XNDC1N: variants seen among roughly 807,000 people sequenced by gnomAD.
XNDC1N encodes the protein protein XNDC1N.
chr11:71,878,457 G>A, the XNDC1N span: 76 of 1,611,702 alleles, frequency 4.7e-5, no homozygotes, highest in African/African-American at 3.1e-4. Context: ...TCAACCATGA[G>A]GGTCTTGTTT....
chr11:71,887,811 C>G, the XNDC1N span, among the ~76,000 whole-genome samples: 1 of 152,194 alleles, frequency 6.6e-6, no homozygotes, highest in African/African-American at 2.4e-5. Context: ...GTACCTAACC[C>G]GTCCACATTG....
the XNDC1N span, among the ~76,000 whole-genome samples, chr11:71,918,703 T>A: frequency 6.6e-6 from 1 of 152,166 alleles, no homozygotes; most frequent in Non-Finnish European, 1.5e-5. Flanking sequence ...AATAGAGCCC[T>A]TGGAGTTCTC....
At chr11:71,900,177 G>C in the XNDC1N span, among the ~76,000 whole-genome samples, 1 of 152,176 alleles carries the variant, frequency 6.6e-6, no homozygotes, top group African/African-American at 2.4e-5. Context: ...ATTCGTTTTT[G>C]CTAAAATAAT....
the XNDC1N span, among the ~76,000 whole-genome samples, chr11:71,908,132 C>A: frequency 6.6e-6 from 1 of 151,922 alleles, no homozygotes; most frequent in East Asian, 1.9e-4. Context: ...GGTATTAGGG[C>A]GTAATATTAG....
the XNDC1N span, among the ~76,000 whole-genome samples, chr11:71,902,764 A>G: frequency 2.6e-5 from 4 of 152,250 alleles, no homozygotes; most frequent in South Asian, 2.1e-4. Flanking sequence ...ATTTGTATCA[A>G]TCTCGTAGAA....
chr11:71,901,660 C>A, the XNDC1N span, among the ~76,000 whole-genome samples: 10 of 151,948 alleles, frequency 6.6e-5, 1 homozygote, highest in African/African-American at 2.4e-4. Flanking sequence ...GTTGGAAGAC[C>A]AGGAAGTATA....
chr11:71,908,614 C>T, the XNDC1N span, among the ~76,000 whole-genome samples: 3 of 152,052 alleles, frequency 2.0e-5, no homozygotes, highest in Admixed American at 6.6e-5. Flanking sequence ...TGGGTACCAG[C>T]CCTTCACCTG....
chr11:71,918,833 G>A, the XNDC1N span: 1 of 697,622 alleles, frequency 1.4e-6, no homozygotes, highest in Admixed American at 2.0e-5. Flanking sequence ...AGTTAGAGGG[G>A]ACTGTCATTC....
chr11:71,912,619 T>C, the XNDC1N span, among the ~76,000 whole-genome samples: 1 of 152,156 alleles, frequency 6.6e-6, no homozygotes, highest in Non-Finnish European at 1.5e-5. Flanking sequence ...ACCCCTGCGA[T>C]ATTTGGAGTA....
the XNDC1N span, among the ~76,000 whole-genome samples, chr11:71,896,705 A>C: frequency 2.6e-5 from 4 of 152,322 alleles, no homozygotes; most frequent in South Asian, 4.1e-4. Context: ...CTGGGATTAC[A>C]GGCATGCGCC....
At chr11:71,868,662 G>T in the XNDC1N span, among the ~76,000 whole-genome samples, 1 of 152,146 alleles carries the variant, frequency 6.6e-6, no homozygotes, top group Non-Finnish European at 1.5e-5. Context: ...TTAGCCTAAT[G>T]GGATTCCCTT....
the XNDC1N span, chr11:71,916,454 A>G: frequency 1.8e-6 from 1 of 561,784 alleles, no homozygotes. Flanking sequence ...GCCTTCTCAT[A>G]TTCAGTCTCT....
At chr11:71,900,111 T>C in the XNDC1N span, among the ~76,000 whole-genome samples, 6 of 152,280 alleles carry the variant, frequency 3.9e-5, no homozygotes, top group South Asian at 1.2e-3. Context: ...ATAGATTCTA[T>C]TGCTCACATC....
At chr11:71,899,764 G>A in the XNDC1N span, among the ~76,000 whole-genome samples, 1 of 152,188 alleles carries the variant, frequency 6.6e-6, no homozygotes, top group African/African-American at 2.4e-5. Context: ...GGCCTCGTGG[G>A]AGGAGAAAGA....
At chr11:71,888,517 G>C in the XNDC1N span, among the ~76,000 whole-genome samples, 1 of 152,150 alleles carries the variant, frequency 6.6e-6, no homozygotes. Context: ...ATCTAACAAA[G>C]CCTTTTCCAT....
the XNDC1N span, among the ~76,000 whole-genome samples, chr11:71,885,948 ATAT>A: frequency 4.8e-3 from 721 of 150,670 alleles, 1 homozygote; most frequent in Non-Finnish European, 8.2e-3. Context: ...ATTTTTAAAA[ATAT>A]TATGGGTTAT....
the XNDC1N span, among the ~76,000 whole-genome samples, chr11:71,905,963 T>A: frequency 6.6e-6 from 1 of 151,798 alleles, no homozygotes; most frequent in African/African-American, 2.4e-5. Context: ...AGGAGTAGCA[T>A]CCCCCTACAA....
chr11:71,889,069 G>GC, the XNDC1N span, among the ~76,000 whole-genome samples: 3 of 152,302 alleles, frequency 2.0e-5, no homozygotes, highest in African/African-American at 7.2e-5. Flanking sequence ...TGTTGTTGAA[G>GC]CCACATCATT....
chr11:71,890,289 A>G, the XNDC1N span, among the ~76,000 whole-genome samples: 3 of 152,172 alleles, frequency 2.0e-5, no homozygotes, highest in South Asian at 2.1e-4. Flanking sequence ...GATATTAGGA[A>G]CAATATCACA....
Sources: allele counts gnomAD v4.1 joint callset (sites outside exome capture counted in the v4.1 genomes callset), GRCh38; gene constraint gnomAD v4.1.1; transcripts MANE v1.5; gene names NCBI Gene and HGNC (gene_info 2026-07-23, HGNC 2026-07-21).